PATJ: variants seen among roughly 807,000 people sequenced by gnomAD.
The protein encoded by PATJ is PATJ crumbs cell polarity complex component.
In PATJ, 190 loss-of-function variants were observed where a neutral mutation model predicts 224.9. The observed-to-expected ratio is 0.84, with a 90% CI of 0.75 to 0.95. PATJ has a LOEUF of 0.95. Ranked by LOEUF, PATJ falls within the 40% of genes least tolerant of loss-of-function variation. PATJ has a pLI of 0.00. For missense variants in PATJ, 2,121 were observed against 2,270.3 expected (o/e 0.93, Z 1.34); for synonymous variants, 769 against 820.3 (o/e 0.94, Z 1.07).
At position 61,942,969 on chromosome 1, in the gene PATJ, G is replaced by A. The variant is rs189876508; in HGVS notation, c.3670+15140G>A. On this transcript the variant is annotated intron_variant, in intron 27 of 43. Transcript: ENST00000642238. ...CACAAACTCTACTCCACAGAAGTTC[G>A]TAGCAGCATTATTCATAATAGCCAA... Among the ~76,000 whole-genome samples the A allele has an allele frequency of 3.4e-4, 52 of 152,282 alleles. 1 individual carries two copies. The highest frequency in any genetic ancestry group is 3.4e-3 in the Middle Eastern group (1 of 294).
intron 28 of PATJ, among the ~76,000 whole-genome samples, chr1:62,014,969 TAGACAGTG>T (rs1407363688): frequency 6.6e-6 from 1 of 152,124 alleles, no homozygotes; most frequent in Non-Finnish European, 1.5e-5. Context: ...ATATATAATC[TAGACAGTG>T]GACGTATTTT....
chr1:61,868,837 GA>G, intron 20 of PATJ, among the ~76,000 whole-genome samples: 1 of 152,088 alleles, frequency 6.6e-6, no homozygotes, highest in East Asian at 1.9e-4. Flanking sequence ...ATGTCTCGGA[GA>G]AAAAACTTCT....
At chr1:61,871,435 G>GTATATATATACACATATATATGCGTATA (rs72255413) in intron 20 of PATJ, among the ~76,000 whole-genome samples, 2 of 72,150 alleles carry the variant, frequency 2.8e-5, no homozygotes, top group Non-Finnish European at 3.0e-5. Flanking sequence ...ACATATATAT[G>GTATATATATACACATATATATGCGTATA]TGTATATACA....
intron 33 of PATJ, among the ~76,000 whole-genome samples, chr1:62,107,711 T>C (rs768581838): frequency 1.1e-4 from 17 of 152,298 alleles, no homozygotes; most frequent in Non-Finnish European, 2.4e-4. Flanking sequence ...TGGGTACATG[T>C]CATTTTTATG....
At chr1:62,125,254 CAAAAAAAAACAAAA>C (rs1665580599) in intron 39 of PATJ, among the ~76,000 whole-genome samples, 1 of 71,422 alleles carries the variant, frequency 1.4e-5, no homozygotes, top group African/African-American at 6.0e-5. Context: ...AAAAAAAAAA[CAAAAAAAAACAAAA>C]AAAAAACGCC....
intron 27 of PATJ, among the ~76,000 whole-genome samples, chr1:61,978,457 G>A (rs913504429): frequency 6.6e-6 from 1 of 151,930 alleles, no homozygotes; most frequent in Non-Finnish European, 1.5e-5. Context: ...TAGAGAGGGG[G>A]TTGCTCCGTG....
At chr1:61,831,081 G>C (rs985238111) in intron 16 of PATJ, among the ~76,000 whole-genome samples, 13 of 151,672 alleles carry the variant, frequency 8.6e-5, no homozygotes, top group Non-Finnish European at 1.3e-4. Flanking sequence ...CAGCTACTTG[G>C]GGGGGCTGAG....
chr1:61,817,868 C>T (rs1656467179), intron 14 of PATJ, among the ~76,000 whole-genome samples: 1 of 152,012 alleles, frequency 6.6e-6, no homozygotes, highest in South Asian at 2.1e-4. Flanking sequence ...TAGTAACTCC[C>T]TAATCTTTAA....
chr1:62,060,063 A>G (rs1015899852), intron 31 of PATJ, among the ~76,000 whole-genome samples: 2 of 152,210 alleles, frequency 1.3e-5, no homozygotes, highest in African/African-American at 4.8e-5. Context: ...ATCTGTCACT[A>G]TAATGGGCAC....
intron 24 of PATJ, among the ~76,000 whole-genome samples, chr1:61,906,407 G>A (rs948712752): frequency 6.6e-5 from 10 of 152,008 alleles, no homozygotes; most frequent in African/African-American, 1.7e-4. Flanking sequence ...GCCCCATCCC[G>A]AGGCTATCCA....
chr1:62,067,651 T>G (rs932861707), intron 31 of PATJ, among the ~76,000 whole-genome samples: 1 of 152,204 alleles, frequency 6.6e-6, no homozygotes, highest in African/African-American at 2.4e-5. Flanking sequence ...ACATTTCTCT[T>G]ACTGTCATAA....
At chr1:61,813,242 A>C (rs1335212125) in intron 14 of PATJ, among the ~76,000 whole-genome samples, 2 of 150,596 alleles carry the variant, frequency 1.3e-5, no homozygotes, top group Non-Finnish European at 3.0e-5. Flanking sequence ...CTCTTTCTCC[A>C]GGCAGAAGAT....
At chr1:62,156,054 TA>T (rs34300724) in intron 43 of PATJ, among the ~76,000 whole-genome samples, 4,884 of 42,726 alleles carry the variant, frequency 0.11, 89 homozygotes, top group Middle Eastern at 0.25. Context: ...CAAGACTCTG[TA>T]AAAAAAAAAA....
chr1:62,115,663 T>A (rs1329166864), intron 35 of PATJ, among the ~76,000 whole-genome samples: 2 of 148,832 alleles, frequency 1.3e-5, no homozygotes, highest in African/African-American at 5.0e-5. Context: ...GATTTCCAGG[T>A]AATATCCTAA....
chr1:61,843,343 A>T (rs193109804), intron 17 of PATJ, among the ~76,000 whole-genome samples: 90 of 152,324 alleles, frequency 5.9e-4, no homozygotes, highest in Non-Finnish European at 9.7e-4. Flanking sequence ...TACTCTTGGG[A>T]CTTTGGCAAG....
At chr1:62,151,503 A>C (rs1164929295) in intron 42 of PATJ, among the ~76,000 whole-genome samples, 4 of 152,190 alleles carry the variant, frequency 2.6e-5, no homozygotes, top group Admixed American at 2.6e-4. Flanking sequence ...AGGCAGGAGA[A>C]TGGCATAAAC....
rs935943348 is a variant in PATJ, at chr1:62,153,047, AAAG to A, written c.5379-309_5379-307del. ...GCTCCGTCTCAAAAAAAGAAAAAAA[AAAG>A]AGTTAAAAACTAAGCATATAGAAGA... On this transcript the variant is annotated intron_variant, in intron 42 of 43. Transcript: ENST00000642238. Among the ~76,000 whole-genome samples the A allele has an allele frequency of 9.8e-5, 14 of 142,856 alleles. No homozygotes were observed. The East Asian group carries it at 2.0e-3, about 20-fold the overall frequency. 93.7% of individuals were successfully genotyped at this position (142,856 alleles called of 152,430 possible). A position where few individuals can be genotyped will look rare whatever the true frequency, so the allele number is the denominator to read the frequency against.
At chr1:61,889,860 C>A (rs544149728) in intron 22 of PATJ, among the ~76,000 whole-genome samples, 1 of 152,338 alleles carries the variant, frequency 6.6e-6, no homozygotes, top group South Asian at 2.1e-4. Context: ...GAAAGCAAAA[C>A]TGCAGAAAGC....
chr1:61,884,295 T>C lies in PATJ; in HGVS notation c.3018T>C (p.Ala1006=). The change falls in exon 22 of 44, where the codon GCT becomes GCC. Residue 1006 remains alanine (A), a synonymous_variant. Coordinates refer to ENST00000642238, the MANE Select transcript of PATJ (RefSeq NM_001350145.3). The part of the protein sequence containing the change: ...PSLLIDLPVV[A]QRREQEDLPL... ...TGCTCATTGACCTTCCTGTTGTGGC[T>C]CAAAGGAGGGAGCAAGAAGATTTGC... 1 of 1,613,676 alleles carries C rather than the reference T, an allele frequency of 6.2e-7. No individual in the cohort carries two copies. The highest frequency in any genetic ancestry group is 8.5e-7 in the Non-Finnish European group (1 of 1,179,860).
Sources: gnomAD v4.1 joint callset for allele counts (sites outside exome capture counted in the v4.1 genomes callset) on GRCh38, gnomAD v4.1.1 for gene constraint, MANE v1.5 for transcripts, NCBI Gene and HGNC (gene_info 2026-07-23, HGNC 2026-07-21) for gene names.